TBC1D8: variants seen among roughly 807,000 people sequenced by gnomAD.
The protein encoded by TBC1D8 is BUB2-like protein 1.
TBC1D8 carries 65 observed loss-of-function variants against 118.8 expected under a neutral mutation model. The observed-to-expected ratio is 0.55, with a 90% CI of 0.45 to 0.67. The LOEUF is 0.67. TBC1D8 is among the 30% of genes least tolerant of loss of function. TBC1D8 has a pLI of 0.00. For synonymous variants in TBC1D8, 566 were observed against 595.8 expected (o/e 0.95, Z 0.73); for missense variants, 1,376 against 1,471.2 (o/e 0.94, Z 1.06).
At chr2:101,111,559 A>G (rs538199716) in intron 1 of TBC1D8, among the ~76,000 whole-genome samples, 1 of 152,312 alleles carries the variant, frequency 6.6e-6, no homozygotes, top group Admixed American at 6.5e-5. Context: ...TCACCTGCAC[A>G]TGGTGCCCCA....
chr2:101,088,192 A>G (rs753040229), intron 2 of TBC1D8, among the ~76,000 whole-genome samples: 2 of 152,162 alleles, frequency 1.3e-5, no homozygotes, highest in African/African-American at 2.4e-5. Context: ...TGCTCACCTC[A>G]TGAAACTAGA....
intron 2 of TBC1D8, among the ~76,000 whole-genome samples, chr2:101,080,195 A>G (rs1675168708): frequency 6.6e-6 from 1 of 152,188 alleles, no homozygotes; most frequent in Non-Finnish European, 1.5e-5. Context: ...CAGTAACTCC[A>G]TAATAGAAAA....
At chr2:101,037,397 G>C in intron 8 of TBC1D8, 135 bp downstream of exon 8, 2 of 1,283,076 alleles carry the variant, frequency 1.6e-6, no homozygotes, top group Non-Finnish European at 2.1e-6. Flanking sequence ...TTTCACCCAT[G>C]AGAACAAGAC....
intron 15 of TBC1D8, among the ~76,000 whole-genome samples, chr2:101,025,618 C>T (rs746120003): frequency 1.2e-4 from 19 of 152,102 alleles, no homozygotes; most frequent in Non-Finnish European, 2.1e-4. Flanking sequence ...TTTTATTTAG[C>T]TTTGTGTCTT....
intron 1 of TBC1D8, among the ~76,000 whole-genome samples, chr2:101,146,462 GA>G (rs1292044699): frequency 6.6e-6 from 1 of 152,150 alleles, no homozygotes; most frequent in African/African-American, 2.4e-5. Context: ...GCCAATTTAA[GA>G]GAAGAATTGC....
chr2:101,072,092 T>G (rs1242104781), intron 2 of TBC1D8, among the ~76,000 whole-genome samples: 1 of 152,244 alleles, frequency 6.6e-6, no homozygotes, highest in Non-Finnish European at 1.5e-5. Context: ...GGCAACCAGG[T>G]GCATTGTCAA....
At chr2:101,120,986 T>A (rs1300230428) in intron 1 of TBC1D8, among the ~76,000 whole-genome samples, 1 of 152,210 alleles carries the variant, frequency 6.6e-6, no homozygotes, top group South Asian at 2.1e-4. Context: ...TTCATTTTTT[T>A]AAAAACTCCT....
intron 5 of TBC1D8, among the ~76,000 whole-genome samples, chr2:101,049,011 G>A (rs1407054033): frequency 6.6e-6 from 1 of 152,098 alleles, no homozygotes; most frequent in Non-Finnish European, 1.5e-5. Context: ...ATCTCTTGCT[G>A]GACACTCAGA....
chr2:101,100,079 T>C (rs1676728190), intron 1 of TBC1D8, among the ~76,000 whole-genome samples: 2 of 152,138 alleles, frequency 1.3e-5, no homozygotes, highest in Admixed American at 6.6e-5. Flanking sequence ...TTGTCTCTGT[T>C]TACAGATGAC....
intron 1 of TBC1D8, among the ~76,000 whole-genome samples, chr2:101,113,932 A>G (rs556283190): frequency 6.6e-6 from 1 of 152,338 alleles, no homozygotes; most frequent in South Asian, 2.1e-4. Flanking sequence ...TCACCAAGCT[A>G]CATGCATTTC....
chr2:101,108,582 C>T (rs1027763552), intron 1 of TBC1D8, among the ~76,000 whole-genome samples: 1 of 152,132 alleles, frequency 6.6e-6, no homozygotes, highest in African/African-American at 2.4e-5. Flanking sequence ...AACAACTTTA[C>T]TTGGCTCGGG....
chr2:101,118,014 C>T (rs1358295119), intron 1 of TBC1D8, among the ~76,000 whole-genome samples: 14 of 151,450 alleles, frequency 9.2e-5, no homozygotes, highest in Admixed American at 9.2e-4. Flanking sequence ...TTGACATGAA[C>T]ACAATGCTGG....
chr2:101,145,420 T>A (rs1364217346), intron 1 of TBC1D8, among the ~76,000 whole-genome samples: 1 of 152,228 alleles, frequency 6.6e-6, no homozygotes, highest in Non-Finnish European at 1.5e-5. Context: ...GGAGCCAACA[T>A]CTGGGACTTC....
chr2:101,106,796 G>A (rs1383244151), intron 1 of TBC1D8, among the ~76,000 whole-genome samples: 2 of 152,222 alleles, frequency 1.3e-5, no homozygotes, highest in African/African-American at 4.8e-5. Flanking sequence ...AGTCAGCCAC[G>A]TGATCACAAA....
In TBC1D8 at chr2:101,019,654, A is replaced by C. The variant is rs942602757; in HGVS notation, c.2827+2027T>G. The C allele has an allele frequency of 3.1e-4, 47 of 152,254 alleles. 1 individual carries two copies. The allele number at this position is 152,254 out of a possible 1,614,324, so 9.4% of individuals were successfully genotyped here. A position where few individuals can be genotyped will look rare whatever the true frequency, so the allele number is the denominator to read the frequency against. On this transcript the variant is annotated intron_variant, in intron 17 of 19. Coordinates refer to ENST00000409318, the MANE Select transcript of TBC1D8 (RefSeq NM_001330348.2). ...ATATCACAATCAGATATGTTCAAAA[A>C]GGTCTGAACAATTGATTTTCTGAAA... is the stretch of plus-strand genomic sequence containing the variant.
At chr2:101,021,563 C>T (rs1245945623) in intron 17 of TBC1D8, 118 bp downstream of exon 17, 4 of 706,106 alleles carry the variant, frequency 5.7e-6, no homozygotes, top group Non-Finnish European at 9.4e-6. Flanking sequence ...AAGCCAGAAA[C>T]ACCTGTTGCC....
intron 17 of TBC1D8, among the ~76,000 whole-genome samples, chr2:101,021,071 A>G (rs1203303453): frequency 6.6e-6 from 1 of 152,148 alleles, no homozygotes; most frequent in Non-Finnish European, 1.5e-5. Context: ...AGTGCCTACC[A>G]GCCTCCCCAG....
At chr2:101,089,273 G>A (rs1271912129) in intron 2 of TBC1D8, among the ~76,000 whole-genome samples, 2 of 152,078 alleles carry the variant, frequency 1.3e-5, no homozygotes, top group Admixed American at 6.6e-5. Context: ...AACTAATAAG[G>A]TGCTATGAGA....
intron 2 of TBC1D8, among the ~76,000 whole-genome samples, chr2:101,060,538 T>A (rs1396527345): frequency 1.3e-5 from 2 of 152,248 alleles, no homozygotes; most frequent in Non-Finnish European, 2.9e-5. Flanking sequence ...ACAATTTTTT[T>A]AAATCACCAC....
Sources: gnomAD v4.1 joint callset for allele counts (sites outside exome capture counted in the v4.1 genomes callset) on GRCh38, gnomAD v4.1.1 for gene constraint, MANE v1.5 for transcripts, NCBI Gene and HGNC (gene_info 2026-07-23, HGNC 2026-07-21) for gene names.